Variants in BAZ2B observed in about 807,000 individuals in gnomAD.
The protein encoded by BAZ2B is bromodomain adjacent to zinc finger domain protein 2B.
Under a neutral mutation model 246.0 loss-of-function variants are expected in BAZ2B, and 91 were observed. The ratio of observed to expected loss-of-function variants is 0.37; its 90% CI spans 0.31 to 0.44. The LOEUF is 0.44. Among genes scored for constraint, BAZ2B ranks in the 20% least tolerant of loss-of-function variants. The pLI is 1.00. For missense variants in BAZ2B, 2,332 were observed against 2,533.7 expected, an observed-to-expected ratio of 0.92 and a Z score of 1.71; for synonymous variants, 855 against 860.0, an observed-to-expected ratio of 0.99 and a Z score of 0.10.
chr2:159,584,674 C>A (rs1471633496), intron 1 of BAZ2B, among the ~76,000 whole-genome samples: 1 of 152,106 alleles, frequency 6.6e-6, no homozygotes, highest in East Asian at 1.9e-4. Flanking sequence ...AGAATGTAGA[C>A]AAGAAAGGAG....
intron 30 of BAZ2B, among the ~76,000 whole-genome samples, chr2:159,347,949 A>G (rs1196332226): frequency 6.6e-6 from 1 of 152,198 alleles, no homozygotes; most frequent in Non-Finnish European, 1.5e-5. Context: ...CTCTCTTGAT[A>G]TCTGTGGGGG....
rs2061244105 is a variant in BAZ2B, at chr2:159,374,790, T to C, written c.4006-37A>G. 4 of 1,561,012 alleles carry C rather than the reference T, an allele frequency of 2.6e-6. No homozygotes were observed. The African/African-American group carries it at 4.1e-5, about 16-fold the overall frequency. On this transcript the variant is annotated intron_variant, in intron 25 of 36. Coordinates refer to ENST00000392783, the MANE Select transcript of BAZ2B (RefSeq NM_013450.4). ...AAAATACAGTGTCATTTATCTGTTTTAAGATTTATTTATTCAATCAGTAAA... is the reference window on the plus strand; with the variant it reads ...AAAATACAGTGTCATTTATCTGTTTCAAGATTTATTTATTCAATCAGTAAA...
At chr2:159,490,529 T>C (rs1454217827) in intron 2 of BAZ2B, among the ~76,000 whole-genome samples, 2 of 152,172 alleles carry the variant, frequency 1.3e-5, no homozygotes, top group African/African-American at 4.8e-5. Flanking sequence ...TTTGTTTGTT[T>C]GCTTTGAGAC....
chr2:159,512,632 CAT>C (rs1275506630), intron 2 of BAZ2B, among the ~76,000 whole-genome samples: 9 of 152,120 alleles, frequency 5.9e-5, no homozygotes, highest in African/African-American at 1.2e-4. Flanking sequence ...ATAATTTACA[CAT>C]GATTCCAACA....
chr2:159,478,384 AG>A (rs1217390792), intron 3 of BAZ2B, among the ~76,000 whole-genome samples, 190 bp downstream of exon 3: 7 of 152,188 alleles, frequency 4.6e-5, no homozygotes, highest in African/African-American at 1.7e-4. Flanking sequence ...GACAATTCCT[AG>A]GAAGTATAGA....
At chr2:159,409,648 G>C (rs1395093610) in intron 14 of BAZ2B, among the ~76,000 whole-genome samples, 1 of 152,048 alleles carries the variant, frequency 6.6e-6, no homozygotes, top group Non-Finnish European at 1.5e-5. Flanking sequence ...AATCCTCTCA[G>C]ATAACCCCCC....
intron 18 of BAZ2B, 23 bp downstream of exon 18, chr2:159,398,806 C>T (rs201933893): frequency 2.9e-4 from 458 of 1,597,638 alleles, no homozygotes; most frequent in Non-Finnish European, 3.6e-4. Context: ...AAAATAAAAA[C>T]TCTGATTCTC....
chr2:159,518,231 AGGT>A (rs1249014261), intron 2 of BAZ2B, among the ~76,000 whole-genome samples: 3 of 152,240 alleles, frequency 2.0e-5, no homozygotes, highest in Non-Finnish European at 4.4e-5. Flanking sequence ...GTTTCACTGA[AGGT>A]GGTTTTTATC....
At chr2:159,550,761 A>C (rs1330622469) in intron 2 of BAZ2B, among the ~76,000 whole-genome samples, 6 of 152,310 alleles carry the variant, frequency 3.9e-5, no homozygotes, top group East Asian at 3.9e-4. Flanking sequence ...TCAATTATTA[A>C]GTATTACTAT....
intron 2 of BAZ2B, among the ~76,000 whole-genome samples, chr2:159,547,920 C>T (rs190809651): frequency 2.8e-4 from 42 of 152,248 alleles, no homozygotes; most frequent in African/African-American, 9.6e-4. Flanking sequence ...ATCTGTGCAG[C>T]ATGGTGTTAT....
At chr2:159,689,265 T>G in the BAZ2B span, 5 of 476,622 alleles carry the variant, frequency 1.0e-5, no homozygotes, top group African/African-American at 1.1e-4. Context: ...CATTCAACTT[T>G]AACACCTGTC....
chr2:159,711,762 A>G, the BAZ2B span, among the ~76,000 whole-genome samples: 2 of 152,222 alleles, frequency 1.3e-5, no homozygotes, highest in East Asian at 3.8e-4. Context: ...CAGTTCTTTG[A>G]AAGTTTCATC....
At chr2:159,625,971 T>A in the BAZ2B span, among the ~76,000 whole-genome samples, 1 of 147,072 alleles carries the variant, frequency 6.8e-6, no homozygotes, top group African/African-American at 2.5e-5. Flanking sequence ...AATAAAGGGA[T>A]GGAGGAATAT....
chr2:159,623,098 G>A, the BAZ2B span, among the ~76,000 whole-genome samples: 4,027 of 149,638 alleles, frequency 0.027, 103 homozygotes, highest in Non-Finnish European at 0.042. Context: ...GAGGGAGAGG[G>A]GAGAGGGAAG....
chr2:159,524,892 CTATT>C (rs951710337), intron 2 of BAZ2B, among the ~76,000 whole-genome samples: 9 of 152,124 alleles, frequency 5.9e-5, no homozygotes, highest in East Asian at 1.9e-4. Context: ...ACAAAGTACT[CTATT>C]TATCGTCTTG....
intron 2 of BAZ2B, among the ~76,000 whole-genome samples, chr2:159,546,912 T>G (rs1299538516): frequency 6.6e-6 from 1 of 152,174 alleles, no homozygotes; most frequent in African/African-American, 2.4e-5. Context: ...AAAGGTTTTA[T>G]GGAGGAGGTA....
In BAZ2B at chr2:159,439,183, A is replaced by G. The variant is rs767651358; in HGVS notation, c.726T>C (p.Ser242=). 6.2e-7 allele frequency: 1 copy of G among 1,613,882 alleles called. No individual in the cohort carries two copies. Residue 242 remains serine, a synonymous_variant, in exon 7 of 37, where the codon TCT becomes TCC. Transcript: ENST00000392783. The part of the protein sequence containing the change: ...KKPRKKAMES[S]SNSDSDSGTS... ...TGCCTGAATCACTATCACTGTTGCT[A>G]GAACTTTCCATTGCTTTCTTCCTTG...
chr2:159,584,534 G>T (rs1687607612), intron 1 of BAZ2B, among the ~76,000 whole-genome samples: 1 of 152,148 alleles, frequency 6.6e-6, no homozygotes, highest in African/African-American at 2.4e-5. Context: ...TTGTAACCTG[G>T]GCCATAGAAC....
chr2:159,495,685 C>T (rs944559285), intron 2 of BAZ2B, among the ~76,000 whole-genome samples: 4 of 151,518 alleles, frequency 2.6e-5, no homozygotes, highest in African/African-American at 9.7e-5. Flanking sequence ...TTAGTATCTA[C>T]AAAGACCACA....
Sources: gnomAD v4.1 joint callset for allele counts (sites outside exome capture counted in the v4.1 genomes callset) on GRCh38, gnomAD v4.1.1 for gene constraint, MANE v1.5 for transcripts, NCBI Gene and HGNC (gene_info 2026-07-23, HGNC 2026-07-21) for gene names.